Variants in PIGU observed in about 807,000 individuals in gnomAD.
PIGU encodes the protein GPI-anchor transamidase component PIGU.
In PIGU, 24 loss-of-function variants were observed where a neutral mutation model predicts 49.9. That is an observed-to-expected ratio of 0.48 (90% CI 0.35 to 0.68). PIGU has a LOEUF of 0.68. Among genes scored for constraint, PIGU ranks in the 30% least tolerant of loss-of-function variants. The pLI is 0.01. For synonymous variants in PIGU, 220 were observed against 205.7 expected, an observed-to-expected ratio of 1.07 and a Z score of -0.59; for missense variants, 490 against 532.6, an observed-to-expected ratio of 0.92 and a Z score of 0.79.
In PIGU at chr20:34,645,310, G is replaced by T. The variant is rs750711834; in HGVS notation, c.220C>A (p.His74Asn). 5 of 1,575,598 alleles carry T rather than the reference G, an allele frequency of 3.2e-6. No individual in the cohort carries two copies. In the African/African-American group the frequency reaches 4.2e-5, roughly 13 times the overall value. The change falls in exon 3 of 12, where the codon CAT (histidine) becomes AAT (asparagine). Residue 74 changes from histidine to asparagine, a missense_variant. Physicochemically the swap from His to Asn is moderately conservative, Grantham distance 68. Transcript: ENST00000217446. ...HETPLIIYLF[H>N]FLIDYAELVF... ...AATTCAGCATAGTCAATTAGGAAAT[G>T]AAAGAGGTATATTATTAATGGAGTC...
chr20:34,659,378 G>C, intron 1 of PIGU, among the ~76,000 whole-genome samples: 2 of 144,402 alleles, frequency 1.4e-5, no homozygotes, highest in Non-Finnish European at 1.5e-5. Context: ...CCCCTACTGG[G>C]AAGTGAGGAG....
intron 7 of PIGU, among the ~76,000 whole-genome samples, chr20:34,611,889 G>C (rs1984830422): frequency 6.6e-6 from 1 of 152,114 alleles, no homozygotes. Flanking sequence ...CGGAAAAATA[G>C]GAATGCTTTT....
chr20:34,603,162 A>G (rs1384520712), intron 7 of PIGU, among the ~76,000 whole-genome samples: 1 of 152,056 alleles, frequency 6.6e-6, no homozygotes, highest in Non-Finnish European at 1.5e-5. Flanking sequence ...AATTGCAGCT[A>G]TATCCAGAGG....
intron 6 of PIGU, among the ~76,000 whole-genome samples, chr20:34,633,405 C>G (rs1334200410): frequency 1.3e-5 from 2 of 151,920 alleles, no homozygotes; most frequent in African/African-American, 4.8e-5. Context: ...TCAAGGCTTC[C>G]GTGAGCCATG....
chr20:34,610,486 T>A (rs1317848691), intron 7 of PIGU, among the ~76,000 whole-genome samples: 1 of 152,094 alleles, frequency 6.6e-6, no homozygotes, highest in Admixed American at 6.6e-5. Flanking sequence ...TATCTAAGAA[T>A]ACAACTTACA....
At chr20:34,615,959 C>T (rs1263930456) in intron 7 of PIGU, 83 bp downstream of exon 7, 19 of 1,492,916 alleles carry the variant, frequency 1.3e-5, no homozygotes, top group Non-Finnish European at 1.4e-5. Context: ...TTTACTAACC[C>T]GTGCCCTTCC....
At chr20:34,563,960 A>T (rs1982638835) in intron 11 of PIGU, among the ~76,000 whole-genome samples, 1 of 152,246 alleles carries the variant, frequency 6.6e-6, no homozygotes, top group South Asian at 2.1e-4. Flanking sequence ...GATAGTCCTA[A>T]GAAAAGCATC....
intron 1 of PIGU, among the ~76,000 whole-genome samples, chr20:34,673,383 C>T (rs914768006): frequency 6.6e-6 from 1 of 152,002 alleles, no homozygotes; most frequent in Non-Finnish European, 1.5e-5. Flanking sequence ...TTTAAGGTAC[C>T]CTTTGAAGAA....
intron 6 of PIGU, among the ~76,000 whole-genome samples, chr20:34,621,463 C>T (rs1442747796): frequency 6.6e-6 from 1 of 152,056 alleles, no homozygotes; most frequent in Non-Finnish European, 1.5e-5. Context: ...ATGGCTGAGG[C>T]CTGCAGTCTG....
intron 6 of PIGU, among the ~76,000 whole-genome samples, chr20:34,620,582 C>T (rs534564146): frequency 3.3e-5 from 5 of 152,118 alleles, no homozygotes; most frequent in Admixed American, 1.3e-4. Flanking sequence ...GAGGCTGAGG[C>T]GGGCGGATCA....
intron 1 of PIGU, among the ~76,000 whole-genome samples, chr20:34,658,306 C>T (rs1460887454): frequency 6.6e-6 from 1 of 152,230 alleles, no homozygotes; most frequent in Non-Finnish European, 1.5e-5. Context: ...TCAGTGGTGC[C>T]CAGGCTGGAG....
intron 11 of PIGU, among the ~76,000 whole-genome samples, chr20:34,563,009 TAATCATCTGGACAAG>T (rs1035096408): frequency 2.6e-5 from 4 of 152,174 alleles, no homozygotes; most frequent in African/African-American, 9.7e-5. Flanking sequence ...TGTCACACAA[TAATCATCTGGACAAG>T]AAGCAGGAAG....
intron 11 of PIGU, among the ~76,000 whole-genome samples, chr20:34,571,098 G>C (rs1248521444): frequency 3.3e-5 from 5 of 152,170 alleles, no homozygotes; most frequent in Non-Finnish European, 1.5e-5. Context: ...CTGCAACCTA[G>C]AGAAGTTAAA....
At chr20:34,580,500 AAAC>A (rs1983412624) in intron 10 of PIGU, among the ~76,000 whole-genome samples, 1 of 152,202 alleles carries the variant, frequency 6.6e-6, no homozygotes, top group Admixed American at 6.5e-5. Context: ...TTGACACCCA[AAAC>A]AACAACAAAG....
chr20:34,663,994 A>G (rs74616238), intron 1 of PIGU, among the ~76,000 whole-genome samples: 1 of 152,350 alleles, frequency 6.6e-6, no homozygotes, highest in East Asian at 1.9e-4. Context: ...CATCTCAGAT[A>G]TGCTTTTGCT....
At chr20:34,592,188 CAA>C (rs759695806) in intron 7 of PIGU, among the ~76,000 whole-genome samples, 9 of 77,102 alleles carry the variant, frequency 1.2e-4, no homozygotes, top group Admixed American at 1.5e-4. Context: ...GACTCCGTCT[CAA>C]AAAAAAAAAA....
chr20:34,591,031 G>GAA (rs567508712), intron 7 of PIGU, among the ~76,000 whole-genome samples: 2,269 of 129,010 alleles, frequency 0.018, 70 homozygotes, highest in African/African-American at 0.055. Context: ...GAAAAAAAGA[G>GAA]AAAAAAAAAT....
At position 34,634,669 on chromosome 20, in the gene PIGU, T is replaced by C. The variant is rs1433130409; in HGVS notation, c.475A>G (p.Thr159Ala). 1 of 1,613,256 alleles carries C rather than the reference T, an allele frequency of 6.2e-7. No individual in the cohort carries two copies. Among genetic ancestry groups the C allele is most frequent in the South Asian group, 1.1e-5 (1 of 91,076 alleles). The change falls in exon 6 of 12, where the codon ACC (threonine) becomes GCC (alanine). Residue 159 changes from threonine to alanine, a missense_variant. Transcript: ENST00000217446. ...ATGAGGGTGTTGTTGATGGCACAGG[T>C]AGACTTGGCAACACAAGACAAAATC... The part of the protein sequence containing the change: ...YTILSCVAKS[T>A]CAINNTLIAF...
intron 5 of PIGU, among the ~76,000 whole-genome samples, chr20:34,637,486 G>A (rs999131134): frequency 6.6e-6 from 1 of 152,134 alleles, no homozygotes; most frequent in African/African-American, 2.4e-5. Context: ...TACAAATGGA[G>A]GACTATACTG....
Sources: allele counts gnomAD v4.1 joint callset (sites outside exome capture counted in the v4.1 genomes callset), GRCh38; gene constraint gnomAD v4.1.1; transcripts MANE v1.5; gene names NCBI Gene and HGNC (gene_info 2026-07-23, HGNC 2026-07-21).